Variants in RBM4B observed in about 807,000 individuals in gnomAD.
RBM4B encodes the protein RNA binding motif protein 4B.
In RBM4B, 13 loss-of-function variants were observed where a neutral mutation model predicts 28.5. That is an observed-to-expected ratio of 0.46 (90% confidence interval 0.30 to 0.72). The LOEUF is 0.72. RBM4B is among the 30% of genes least tolerant of loss of function. RBM4B has a pLI of 0.09. For synonymous variants in RBM4B, 167 were observed against 179.1 expected, an observed-to-expected ratio of 0.93 and a Z score of 0.54; for missense variants, 387 against 477.6, an observed-to-expected ratio of 0.81 and a Z score of 1.77.
chr11:66,671,126 A>C, intron 2 of RBM4B: 4 of 662,770 alleles, frequency 6.0e-6, no homozygotes, highest in Non-Finnish European at 1.1e-5. Flanking sequence ...TCCAGTTTCT[A>C]GCAGAAACAA....
chr11:66,672,228 G>A (rs1166489089), intron 2 of RBM4B, among the ~76,000 whole-genome samples: 1 of 150,794 alleles, frequency 6.6e-6, no homozygotes, highest in South Asian at 2.2e-4. Flanking sequence ...CCAACATGGT[G>A]AAACCCCCTC....
chr11:66,665,867 CCTGTGA>C, intron 3 of RBM4B: 1 of 1,532,916 alleles, frequency 6.5e-7, no homozygotes, highest in East Asian at 2.4e-5. Context: ...CAAGATAACC[CCTGTGA>C]CAGAAGGCTA....
At chr11:66,673,766 T>C (rs1391841366) in intron 2 of RBM4B, among the ~76,000 whole-genome samples, 1 of 152,182 alleles carries the variant, frequency 6.6e-6, no homozygotes, top group Non-Finnish European at 1.5e-5. Flanking sequence ...CGGGCTCAAG[T>C]GGCCCTTTTA....
intron 3 of RBM4B, chr11:66,666,217 T>A (rs1255762831): frequency 2.3e-6 from 2 of 878,396 alleles, no homozygotes; most frequent in African/African-American, 3.5e-5. Context: ...AATCCTTCTA[T>A]TGATGATGGG....
chr11:66,676,289 C>T, intron 2 of RBM4B: 1 of 357,894 alleles, frequency 2.8e-6, no homozygotes, highest in Non-Finnish European at 5.0e-6. Flanking sequence ...CTTAAACCCT[C>T]AAATATAAGG....
rs775384561 is a variant in RBM4B, at chr11:66,668,901, A to G, written c.803T>C (p.Val268Ala). ...CAATAGGTGTCTGTCATAGGGATCAACAGAAGTAGAGTTGAGGTGGCTGGT... is the reference window on the plus strand; with the variant it reads ...CAATAGGTGTCTGTCATAGGGATCAGCAGAAGTAGAGTTGAGGTGGCTGGT... ...TVTSHLNSTS[V>A]DPYDRHLLPN... is the part of the protein sequence containing the mutation. The change falls in exon 3 of 4, where the codon GTT becomes GCT. Residue 268 changes from valine (V) to alanine (A), a missense_variant. By Grantham distance (64) the Val-to-Ala change is moderately conservative. Around this residue, in one of 2 missense-constraint regions of RBM4B, gnomAD observed 226 missense variants for 220.6 expected, o/e 1.02. Coordinates refer to ENST00000310046, the MANE Select transcript of RBM4B (RefSeq NM_031492.4). 118 of 1,614,116 alleles carry G rather than the reference A, an allele frequency of 7.3e-5. No individual in the cohort carries two copies. Among genetic ancestry groups the G allele is most frequent in the Non-Finnish European group, 9.8e-5 (116 of 1,180,052 alleles).
intron 2 of RBM4B, chr11:66,671,032 A>G (rs1425845664): frequency 5.7e-6 from 4 of 702,408 alleles, no homozygotes; most frequent in East Asian, 2.7e-5. Context: ...AGTGCCATGC[A>G]CTGACCCTGA....
chr11:66,677,581 C>T (rs1460896225), intron 1 of RBM4B, 183 bp downstream of exon 1: 1 of 158,256 alleles, frequency 6.3e-6, no homozygotes, highest in Admixed American at 6.2e-5. Flanking sequence ...TTCGCCCCAA[C>T]AAAGACTCGA....
chr11:66,665,962 C>G, intron 3 of RBM4B: 1 of 1,526,756 alleles, frequency 6.5e-7, no homozygotes, highest in African/African-American at 1.4e-5. Context: ...GCAGAAGATG[C>G]TGAGATGTCA....
intron 2 of RBM4B, among the ~76,000 whole-genome samples, chr11:66,674,669 G>C (rs1337717385): frequency 6.6e-6 from 1 of 151,856 alleles, no homozygotes; most frequent in African/African-American, 2.4e-5. Flanking sequence ...CCAGGTTCAA[G>C]CGATTCTCCT....
At chr11:66,670,221 C>G (rs1939417105) in intron 2 of RBM4B, among the ~76,000 whole-genome samples, 2 of 138,108 alleles carry the variant, frequency 1.4e-5, no homozygotes, top group Admixed American at 7.6e-5. Flanking sequence ...TTCAGTTTAG[C>G]CCACCACCCA....
intron 2 of RBM4B, among the ~76,000 whole-genome samples, chr11:66,670,543 C>A (rs772838630): frequency 2.0e-5 from 3 of 152,108 alleles, no homozygotes; most frequent in Admixed American, 6.5e-5. Context: ...GGATTGTGAA[C>A]CACCAAACCC....
intron 2 of RBM4B, among the ~76,000 whole-genome samples, chr11:66,673,210 C>T (rs1939526433): frequency 6.6e-6 from 1 of 151,390 alleles, no homozygotes; most frequent in African/African-American, 2.4e-5. Context: ...CCTGAACTCT[C>T]ACACATTCTT....
intron 2 of RBM4B, among the ~76,000 whole-genome samples, chr11:66,674,573 T>G (rs1276579320): frequency 6.6e-6 from 1 of 151,188 alleles, no homozygotes; most frequent in African/African-American, 2.4e-5. Context: ...ATATGGTTTT[T>G]TTTTTTTCTT....
chr11:66,677,181 T>G, intron 1 of RBM4B, 90 bp from the exon 2 acceptor site: 1 of 1,471,270 alleles, frequency 6.8e-7, no homozygotes, highest in East Asian at 2.3e-5. Flanking sequence ...TCCAAAGTTC[T>G]TGCACCTTCA....
chr11:66,669,375 T>G, intron 2 of RBM4B, 84 bp from the exon 3 acceptor site: 1 of 1,352,000 alleles, frequency 7.4e-7, no homozygotes. Flanking sequence ...GTAAATTAGT[T>G]GTCATAAGAC....
chr11:66,676,449 G>A, intron 2 of RBM4B: 1 of 614,000 alleles, frequency 1.6e-6, no homozygotes, highest in Admixed American at 3.1e-5. Flanking sequence ...CACAGTTTGT[G>A]ATTCTATGCA....
rs148209474 is a variant in RBM4B, at chr11:66,668,863, C to T, written c.841G>A (p.Ala281Thr). The T allele has an allele frequency of 5.2e-3, 8,356 of 1,614,146 alleles. 40 individuals carry two copies. The highest frequency in any genetic ancestry group is 6.1e-3 in the Non-Finnish European group (7,194 of 1,180,018). The change falls in exon 3 of 4, where the codon GCT becomes ACT. Residue 281 changes from alanine (A) to threonine (T), a missense_variant. Coordinates refer to ENST00000310046, the MANE Select transcript of RBM4B (RefSeq NM_031492.4). ...GCCATAGCAGCTGAAGTGGCAGCAG[C>T]GCCAGAGTTTGGCAATAGGTGTCTG... ...YDRHLLPNSG[A>T]AATSAAMAAA...
Position 66,676,893 on chromosome 11 carries a change from C to A in RBM4B, c.187G>T (p.Val63Leu), listed in dbSNP as rs1486777868. 1.9e-6 allele frequency: 3 copies of A among 1,614,052 alleles called. No homozygotes were observed. Among genetic ancestry groups the A allele is most frequent in the African/African-American group, 1.3e-5 (1 of 74,898 alleles). The change falls in exon 2 of 4, where the codon GTG (valine) becomes TTG (leucine). Residue 63 changes from valine (V) to leucine (L), a missense_variant. Coordinates refer to ENST00000310046, the MANE Select transcript of RBM4B (RefSeq NM_031492.4). ...RNLHHYKLHGVNINVEASKNK... is the reference protein window; with the variant it reads ...RNLHHYKLHGLNINVEASKNK... ...TTGCTGGCTTCCACGTTGATGTTCA[C>A]CCCATGAAGCTTGTAATGGTGCAGG...
Sources: allele counts gnomAD v4.1 joint callset (sites outside exome capture counted in the v4.1 genomes callset), GRCh38; gene constraint gnomAD v4.1.1; regional missense constraint gnomAD v4.1.1; transcripts MANE v1.5; gene names NCBI Gene and HGNC (gene_info 2026-07-23, HGNC 2026-07-21).